FZD3: variants seen among roughly 807,000 people sequenced by gnomAD.
FZD3 encodes the protein frizzled class receptor 3.
In FZD3, 30 loss-of-function variants were observed where a neutral mutation model predicts 60.7. The observed-to-expected ratio is 0.49, with a 90% CI of 0.37 to 0.67. FZD3 has a LOEUF of 0.67. Ranked by LOEUF, FZD3 falls within the 30% of genes least tolerant of loss-of-function variation. The probability of loss-of-function intolerance (pLI) is 0.00; values close to 1 mark genes in which losing one functional copy is unlikely to be tolerated. For synonymous variants in FZD3, 246 were observed against 275.2 expected (o/e 0.89, Z 1.05); for missense variants, 605 against 838.7 (o/e 0.72, Z 3.44).
Position 28,524,329 on chromosome 8 carries a change from C to T in FZD3, c.387-2818C>T, listed in dbSNP as rs941895482. 2.0e-5 allele frequency among the ~76,000 whole-genome samples: 3 copies of T among 152,184 alleles called. No individual in the cohort carries two copies. The South Asian group carries it at 6.2e-4, about 31-fold the overall frequency. On this transcript the variant is annotated intron_variant, in intron 4 of 7. Transcript: ENST00000240093. The stretch of plus-strand genomic sequence containing the variant: ...GTACTTATTTAGACCTCCAAATAGA[C>T]TGATTAATTTCTTATAAATTGATTA...
At chr8:28,551,066 CA>C (rs1166394685) in intron 5 of FZD3, among the ~76,000 whole-genome samples, 1 of 151,958 alleles carries the variant, frequency 6.6e-6, no homozygotes, top group African/African-American at 2.4e-5. Flanking sequence ...TAATGTCAGC[CA>C]AATATCTATC....
rs1418444214 is a variant in FZD3 at position 28,563,742 on chromosome 8, CTT to C, written c.*732_*733del. On this transcript the variant is annotated 3_prime_UTR_variant, in exon 8 of 8. Transcript: ENST00000240093. ...ACTTTTTCTGGCTGTGTTTTTATAA[CTT>C]ATCCATATGCATGATGGAAAAATTT... 6.6e-6 allele frequency: 1 copy of C among 152,474 alleles called. No individual in the cohort carries two copies. Among genetic ancestry groups the C allele is most frequent in the Non-Finnish European group, 1.5e-5 (1 of 68,048 alleles). The allele number at this position is 152,474 out of a possible 1,614,324, so 9.4% of individuals were successfully genotyped here. A position where few individuals can be genotyped will look rare whatever the true frequency, so the allele number is the denominator to read the frequency against.
At chr8:28,525,030 T>C (rs1454191100) in intron 4 of FZD3, among the ~76,000 whole-genome samples, 1 of 152,232 alleles carries the variant, frequency 6.6e-6, no homozygotes, top group African/African-American at 2.4e-5. Context: ...CTTATTTGAC[T>C]TTAATTTTGG....
intron 7 of FZD3, among the ~76,000 whole-genome samples, chr8:28,558,222 C>T: frequency 6.6e-6 from 1 of 152,080 alleles, no homozygotes; most frequent in Non-Finnish European, 1.5e-5. Flanking sequence ...TTAGAAAAAT[C>T]ACTTGGCAAT....
intron 1 of FZD3, among the ~76,000 whole-genome samples, chr8:28,495,646 AGAT>A (rs1387213875): frequency 2.6e-5 from 4 of 152,170 alleles, no homozygotes; most frequent in Admixed American, 6.5e-5. Flanking sequence ...TTACTCCTGA[AGAT>A]GATGCTTTCC....
At chr8:28,552,792 T>C (rs1805437485) in intron 6 of FZD3, among the ~76,000 whole-genome samples, 1 of 152,200 alleles carries the variant, frequency 6.6e-6, no homozygotes, top group African/African-American at 2.4e-5. Flanking sequence ...CAGTTTAATA[T>C]ACAGTCAGCC....
chr8:28,554,059 A>G (rs1805459779), intron 6 of FZD3, among the ~76,000 whole-genome samples: 1 of 152,228 alleles, frequency 6.6e-6, no homozygotes, highest in African/African-American at 2.4e-5. Flanking sequence ...TGTGCTGTAG[A>G]CTGGTTTCTA....
intron 5 of FZD3, among the ~76,000 whole-genome samples, chr8:28,529,152 C>G (rs1403685226): frequency 6.6e-6 from 1 of 152,202 alleles, no homozygotes; most frequent in South Asian, 2.1e-4. Flanking sequence ...CTCCTGCCCT[C>G]AAGTGATCTT....
chr8:28,507,630 C>T (rs190800362), intron 3 of FZD3, among the ~76,000 whole-genome samples: 6 of 152,268 alleles, frequency 3.9e-5, no homozygotes, highest in African/African-American at 1.4e-4. Context: ...TATTGGATTA[C>T]TTTCATATAC....
At chr8:28,541,654 T>C (rs1805170464) in intron 5 of FZD3, among the ~76,000 whole-genome samples, 1 of 152,238 alleles carries the variant, frequency 6.6e-6, no homozygotes. Context: ...CTTGTTTCTG[T>C]GCTCCAAAAT....
At position 28,572,970 on chromosome 8, in the gene FZD3, A is replaced by G. The variant is rs924753301; in HGVS notation, c.*9959A>G. 3.9e-5 allele frequency: 6 copies of G among 152,156 alleles called. No individual in the cohort carries two copies. The highest frequency in any genetic ancestry group is 1.4e-4 in the African/African-American group (6 of 41,456). 9.4% of individuals were successfully genotyped at this position (152,156 alleles called of 1,614,324 possible). A position where few individuals can be genotyped will look rare whatever the true frequency, so the allele number is the denominator to read the frequency against. The stretch of plus-strand genomic sequence containing the variant: ...AATAATAAGGGTAAAAGATTAGCCA[A>G]CAAAAGCTAATCTAGTACACCCCAT... On this transcript the variant is annotated 3_prime_UTR_variant, in exon 8 of 8. Transcript: ENST00000240093.
chr8:28,565,699 TTCAG>T lies in FZD3; in HGVS notation c.*2690_*2693del, dbSNP rs1805693705. On this transcript the variant is annotated 3_prime_UTR_variant, in exon 8 of 8. Transcript: ENST00000240093. ...ATACTATATTGACTTTTCAGTTACT[TTCAG>T]TAAGTATCTTAATTTTGTCCCACAA... is the stretch of plus-strand genomic sequence containing the variant. The T allele has an allele frequency of 6.6e-6, 1 of 152,162 alleles. No homozygotes were observed. The highest frequency in any genetic ancestry group is 2.4e-5 in the African/African-American group (1 of 41,452). The allele number at this position is 152,162 out of a possible 1,614,324, so 9.4% of individuals were successfully genotyped here.
intron 6 of FZD3, among the ~76,000 whole-genome samples, chr8:28,552,874 T>A (rs1181663802): frequency 6.6e-6 from 1 of 151,974 alleles, no homozygotes; most frequent in Non-Finnish European, 1.5e-5. Context: ...AAAAAAAAAA[T>A]TTAAGAAAAT....
rs1003861805 is a variant in FZD3 at position 28,568,293 on chromosome 8, A to G, written c.*5282A>G. ...GTATAATCTTACACATTATTCTTAT[A>G]TAATTTTGACCTATTTTATATGAAA... On this transcript the variant is annotated 3_prime_UTR_variant, in exon 8 of 8. Transcript: ENST00000240093. The G allele has an allele frequency of 6.6e-6, 1 of 152,150 alleles. No individual in the cohort carries two copies. Among genetic ancestry groups the G allele is most frequent in the Non-Finnish European group, 1.5e-5 (1 of 68,010 alleles). 9.4% of individuals were successfully genotyped at this position (152,150 alleles called of 1,614,324 possible).
intron 4 of FZD3, among the ~76,000 whole-genome samples, chr8:28,522,726 T>G (rs1804615568): frequency 6.6e-6 from 1 of 151,894 alleles, no homozygotes; most frequent in Admixed American, 6.6e-5. Context: ...ACCCTAGGAT[T>G]GCCTAAATTT....
At position 28,532,645 on chromosome 8, in the gene FZD3, C is replaced by T. The variant is rs117418560; in HGVS notation, c.1404+4481C>T. ...GTCTCCCTGTGTTGCCCAGCCTGGTCTTAAGTGATCCTTCCACCTTGGCTT... is the reference window on the plus strand; with the variant it reads ...GTCTCCCTGTGTTGCCCAGCCTGGTTTTAAGTGATCCTTCCACCTTGGCTT... On this transcript the variant is annotated intron_variant, in intron 5 of 7. Coordinates refer to ENST00000240093, the MANE Select transcript of FZD3 (RefSeq NM_017412.4). Among the ~76,000 whole-genome samples, 34 of 151,586 alleles carry T rather than the reference C, an allele frequency of 2.2e-4. No individual in the cohort carries two copies. In the East Asian group the frequency reaches 5.8e-3, roughly 26 times the overall value.
chr8:28,561,166 C>T (rs1039869447), intron 7 of FZD3, among the ~76,000 whole-genome samples: 2 of 152,270 alleles, frequency 1.3e-5, no homozygotes, highest in Non-Finnish European at 2.9e-5. Context: ...AAGCAATTCT[C>T]CTGCCTTAGC....
intron 3 of FZD3, among the ~76,000 whole-genome samples, chr8:28,513,504 C>T (rs35407314): frequency 0.58 from 88,624 of 151,912 alleles, 25,993 homozygotes; most frequent in East Asian, 0.64. Flanking sequence ...GGAAAATAAA[C>T]CTATGGGATT....
At chr8:28,548,913 T>C (rs1805353620) in intron 5 of FZD3, among the ~76,000 whole-genome samples, 1 of 152,244 alleles carries the variant, frequency 6.6e-6, no homozygotes, top group African/African-American at 2.4e-5. Context: ...ATTTCTCTTA[T>C]TAAATTTATT....
Sources: gnomAD v4.1 joint callset for allele counts (sites outside exome capture counted in the v4.1 genomes callset) on GRCh38, gnomAD v4.1.1 for gene constraint, MANE v1.5 for transcripts, NCBI Gene and HGNC (gene_info 2026-07-23, HGNC 2026-07-21) for gene names.